Variants in SYCP2 observed in about 807,000 individuals in gnomAD.
SYCP2 encodes the protein synaptonemal complex protein 2.
Under a neutral mutation model 211.3 loss-of-function variants are expected in SYCP2, and 55 were observed. The ratio of observed to expected loss-of-function variants is 0.26; its 90% confidence interval spans 0.21 to 0.33. SYCP2 has a LOEUF of 0.33. Among genes scored for constraint, SYCP2 ranks in the 10% least tolerant of loss-of-function variants. The pLI, the probability that SYCP2 is intolerant of heterozygous loss-of-function variation, is 1.00. For synonymous variants in SYCP2, 570 were observed against 555.2 expected (o/e 1.03, Z -0.37); for missense variants, 1,731 against 1,752.0 (o/e 0.99, Z 0.21).
At chr20:59,891,903 T>G in intron 24 of SYCP2, 87 bp downstream of exon 24, 1 of 1,158,598 alleles carries the variant, frequency 8.6e-7, no homozygotes. Context: ...GTTAAATGTG[T>G]AGCAATTAAT....
chr20:59,881,364 A>G, intron 29 of SYCP2, 73 bp downstream of exon 29: 1 of 799,808 alleles, frequency 1.3e-6, no homozygotes, highest in African/African-American at 1.8e-5. Context: ...TTGTTAAAAA[A>G]CTCTAAGACT....
chr20:59,924,358 C>T (rs940646546), intron 2 of SYCP2, among the ~76,000 whole-genome samples: 1 of 151,960 alleles, frequency 6.6e-6, no homozygotes, highest in African/African-American at 2.4e-5. Context: ...GATCCTGTGT[C>T]ATGTAAAACA....
intron 24 of SYCP2, among the ~76,000 whole-genome samples, 191 bp from the exon 25 acceptor site, chr20:59,887,025 A>T (rs1352897133): frequency 1.3e-5 from 2 of 152,212 alleles, no homozygotes; most frequent in Admixed American, 6.5e-5. Flanking sequence ...ATTATACTTT[A>T]AGTTCTAGGG....
chr20:59,907,533 CTAAG>C (rs1199530728), intron 14 of SYCP2, 109 bp from the exon 15 acceptor site: 6 of 792,498 alleles, frequency 7.6e-6, no homozygotes, highest in Middle Eastern at 6.4e-4. Flanking sequence ...TTGCTAGTCA[CTAAG>C]TAACTAGTTT....
chr20:59,900,743 C>T lies in SYCP2; in HGVS notation c.1257+1G>A. On this transcript the variant is annotated splice_donor_variant, in intron 17 of 44. Transcript: ENST00000357552. LOFTEE classifies it high-confidence loss of function. The stretch of plus-strand genomic sequence containing the variant: ...AAAAATCAAGTAAGTCTGAGACATA[C>T]CTGTGATCCACTTGCGTCAAAAAGT... 2 of 1,611,776 alleles carry T rather than the reference C, an allele frequency of 1.2e-6. No homozygotes were observed. The highest frequency in any genetic ancestry group is 4.5e-5 in the East Asian group (2 of 44,792).
chr20:59,868,790 C>T (rs1380218278), intron 37 of SYCP2, 45 bp downstream of exon 37: 19 of 1,480,612 alleles, frequency 1.3e-5, no homozygotes, highest in Non-Finnish European at 1.5e-5. Flanking sequence ...TGTCACGTAG[C>T]ATTTCAGTAA....
At chr20:59,886,039 C>A in intron 25 of SYCP2, 75 bp from the exon 26 acceptor site, 1 of 1,098,978 alleles carries the variant, frequency 9.1e-7, no homozygotes, top group South Asian at 1.4e-5. Flanking sequence ...TAAGATAAAC[C>A]ATGTTTGTCA....
At chr20:59,896,344 G>A in intron 19 of SYCP2, 85 bp downstream of exon 19, 1 of 702,852 alleles carries the variant, frequency 1.4e-6, no homozygotes, top group South Asian at 1.9e-5. Context: ...TATCCTTTAT[G>A]TAAATTATGT....
At chr20:59,906,852 A>T (rs978675338) in intron 15 of SYCP2, among the ~76,000 whole-genome samples, 4 of 152,204 alleles carry the variant, frequency 2.6e-5, no homozygotes, top group Admixed American at 6.5e-5. Flanking sequence ...TAAAATATAT[A>T]CTTTACAAAG....
rs964526503 is a variant in SYCP2, at chr20:59,921,222, T to G, written c.168+88A>C. The G allele has an allele frequency of 1.9e-5, 22 of 1,128,240 alleles. No homozygotes were observed. In the South Asian group the frequency reaches 3.6e-4, roughly 19 times the overall value. 69.9% of individuals were successfully genotyped at this position (1,128,240 alleles called of 1,614,324 possible). On this transcript the variant is annotated intron_variant, in intron 4 of 44. Transcript: ENST00000357552. ...TTATGACTGAGCTTGCCCAAGCCTA[T>G]TCATTTTTTTCTAATGGAGTACTTC...
Position 59,886,837 on chromosome 20 carries a change from GA to G in SYCP2, c.2365-4del. 4 of 1,561,810 alleles carry G rather than the reference GA, an allele frequency of 2.6e-6. No individual in the cohort carries two copies. The highest frequency in any genetic ancestry group is 2.1e-5 in the Admixed American group (1 of 47,380). On this transcript the variant is annotated splice_region_variant and splice_polypyrimidine_tract_variant and intron_variant, in intron 24 of 44. Coordinates refer to ENST00000357552, the MANE Select transcript of SYCP2 (RefSeq NM_014258.4). Reference sequence around the variant, plus strand: ...TCTTTCCCTTTTGACTTTTCTCTCTGAAAAAAATTGTAAGTTACTTTTAAAC... The same window carrying G: ...TCTTTCCCTTTTGACTTTTCTCTCTGAAAAAATTGTAAGTTACTTTTAAAC...
chr20:59,870,720 T>A (rs933339820), intron 35 of SYCP2, among the ~76,000 whole-genome samples: 1 of 151,762 alleles, frequency 6.6e-6, no homozygotes, highest in Non-Finnish European at 1.5e-5. Flanking sequence ...ACCCTATAAA[T>A]GTAAAATGAC....
rs936762229 is a variant in SYCP2, at chr20:59,873,908, T to C, written c.3503A>G (p.Asn1168Ser). 6.2e-7 allele frequency: 1 copy of C among 1,613,164 alleles called. No homozygotes were observed. The highest frequency in any genetic ancestry group is 1.3e-5 in the African/African-American group (1 of 74,864). Residue 1168 changes from asparagine to serine, a missense_variant, in exon 35 of 45, where the codon AAC (asparagine) becomes AGC (serine). Around this residue, in one of 3 missense-constraint regions of SYCP2, gnomAD observed 1,387 missense variants for 1,351.3 expected, o/e 1.03. Coordinates refer to ENST00000357552, the MANE Select transcript of SYCP2 (RefSeq NM_014258.4). ...TIKSPKNNEK[N>S]FLCASESCSP... ...ACAACTTTCACTTGCACACAGGAAG[T>C]TTTTCTCATTGTTTTTGGGTGACTT...
chr20:59,866,239 G>T, intron 41 of SYCP2, 54 bp downstream of exon 41: 1 of 1,187,976 alleles, frequency 8.4e-7, no homozygotes, highest in Non-Finnish European at 1.2e-6. Context: ...TCCAAGTATA[G>T]CTCTTTAAAA....
chr20:59,895,477 C>G lies in SYCP2; in HGVS notation c.1625G>C (p.Arg542Thr). The G allele has an allele frequency of 6.2e-7, 1 of 1,612,398 alleles. No individual in the cohort carries two copies. The highest frequency in any genetic ancestry group is 1.1e-5 in the South Asian group (1 of 90,888). ...RVDNAASLKS[R>T]SSEGRHRRDN... ...TCTTCTATGTCTTCCTTCTGATGAT[C>G]TAGATTTCAGTGATGCAGCATTATC... Residue 542 changes from arginine (R) to threonine (T), a missense_variant, in exon 20 of 45, where the codon AGA (arginine) becomes ACA (threonine). Physicochemically the swap from Arg to Thr is moderately conservative, Grantham distance 71. Transcript: ENST00000357552.
At chr20:59,923,226 T>C (rs960364835) in intron 2 of SYCP2, among the ~76,000 whole-genome samples, 9 of 151,960 alleles carry the variant, frequency 5.9e-5, no homozygotes, top group African/African-American at 1.9e-4. Context: ...AGATCAAAGA[T>C]AAACGTCATT....
chr20:59,867,859 AAAC>A lies in SYCP2; in HGVS notation c.3989-15_3989-13del, dbSNP rs1409382561. On this transcript the variant is annotated splice_polypyrimidine_tract_variant and intron_variant, in intron 38 of 44. Transcript: ENST00000357552. ...TACACTTTCAGACACTAAAAAATGA[AAAC>A]AATCTGCTGAAGTTAAAATATGCAT... 8 of 1,589,388 alleles carry A rather than the reference AAAC, an allele frequency of 5.0e-6. No individual in the cohort carries two copies. In the South Asian group the frequency reaches 6.8e-5, roughly 14 times the overall value.
chr20:59,876,668 G>T (rs1400107776), intron 33 of SYCP2, among the ~76,000 whole-genome samples: 2 of 151,792 alleles, frequency 1.3e-5, no homozygotes, highest in Admixed American at 6.6e-5. Context: ...GACACTAATA[G>T]TACTAATTAC....
Position 59,922,446 on chromosome 20 carries a change from G to C in SYCP2, c.-33C>G, listed in dbSNP as rs767935932. The C allele has an allele frequency of 2.8e-5, 38 of 1,341,892 alleles. No homozygotes were observed. Among genetic ancestry groups the C allele is most frequent in the Non-Finnish European group, 3.8e-5 (37 of 971,830 alleles). The allele number at this position is 1,341,892 out of a possible 1,614,324, so 83.1% of individuals were successfully genotyped here. ...TCATTTAAAAAAAAAAAAAAAGCAA[G>C]ACAAAATAAACACCTATAAAAGAAA... is the stretch of plus-strand genomic sequence containing the variant. On this transcript the variant is annotated 5_prime_UTR_variant, in exon 3 of 45. Coordinates refer to ENST00000357552, the MANE Select transcript of SYCP2 (RefSeq NM_014258.4).
Sources: gnomAD v4.1 joint callset for allele counts (sites outside exome capture counted in the v4.1 genomes callset) on GRCh38, gnomAD v4.1.1 for gene constraint, gnomAD v4.1.1 regional missense constraint, MANE v1.5 for transcripts, NCBI Gene and HGNC (gene_info 2026-07-23, HGNC 2026-07-21) for gene names.